ROBO2: variants seen among roughly 807,000 people sequenced by gnomAD.
The protein encoded by ROBO2 is roundabout guidance receptor 2.
In ROBO2, 53 loss-of-function variants were observed where a neutral mutation model predicts 160.8. That is an observed-to-expected ratio of 0.33 (90% CI 0.26 to 0.41). The LOEUF is 0.41. Ranked by LOEUF, ROBO2 falls within the 10% of genes least tolerant of loss-of-function variation. The pLI, the probability that ROBO2 is intolerant of heterozygous loss-of-function variation, is 1.00. For missense variants in ROBO2, 1,577 were observed against 1,722.4 expected (o/e 0.92, Z 1.49); for synonymous variants, 664 against 611.7 (o/e 1.09, Z -1.26).
At chr3:77,488,716 A>C (rs2085692845) in intron 4 of ROBO2, among the ~76,000 whole-genome samples, 1 of 152,072 alleles carries the variant, frequency 6.6e-6, no homozygotes, top group South Asian at 2.1e-4. Context: ...CTTCCTTATA[A>C]TTTTTAAAAT....
chr3:76,754,921 A>G (rs1418597929), intron 2 of ROBO2, among the ~76,000 whole-genome samples: 2 of 151,946 alleles, frequency 1.3e-5, no homozygotes, highest in South Asian at 2.1e-4. Context: ...TGTGAATTCT[A>G]TACAACTAGA....
intron 2 of ROBO2, among the ~76,000 whole-genome samples, chr3:76,051,472 A>G (rs1029180055): frequency 2.6e-5 from 4 of 152,176 alleles, no homozygotes; most frequent in African/African-American, 4.8e-5. Context: ...AAGTATATTA[A>G]TCATGGTTTC....
At chr3:77,372,433 A>G (rs1159213930) in intron 2 of ROBO2, among the ~76,000 whole-genome samples, 1 of 152,104 alleles carries the variant, frequency 6.6e-6, no homozygotes, top group Non-Finnish European at 1.5e-5. Context: ...TGCCATTTAT[A>G]GTTTGTAGGA....
At chr3:77,478,840 A>G (rs181567656) in intron 3 of ROBO2, among the ~76,000 whole-genome samples, 1 of 152,298 alleles carries the variant, frequency 6.6e-6, no homozygotes, top group African/African-American at 2.4e-5. Flanking sequence ...ATGACAATGT[A>G]TATTCATGCG....
intron 2 of ROBO2, among the ~76,000 whole-genome samples, chr3:76,948,871 ATT>A (rs1559749382): frequency 2.1e-3 from 100 of 46,734 alleles, no homozygotes; most frequent in Middle Eastern, 0.013. Context: ...CACCCGGCTA[ATT>A]TTATATATAT....
chr3:76,010,118 C>G (rs540695279), intron 2 of ROBO2, among the ~76,000 whole-genome samples: 1 of 152,164 alleles, frequency 6.6e-6, no homozygotes, highest in African/African-American at 2.4e-5. Flanking sequence ...GTCTTTAAAA[C>G]TTAATAAAAA....
At chr3:77,076,762 T>G (rs887562330) in intron 1 of ROBO2, among the ~76,000 whole-genome samples, 3 of 152,202 alleles carry the variant, frequency 2.0e-5, no homozygotes, top group African/African-American at 7.2e-5. Context: ...TTTGCCCTAA[T>G]TAAAGCTATA....
intron 2 of ROBO2, among the ~76,000 whole-genome samples, chr3:76,283,660 G>A (rs891006804): frequency 1.3e-5 from 2 of 152,068 alleles, no homozygotes; most frequent in Non-Finnish European, 2.9e-5. Context: ...TTATGACAGA[G>A]TTTCTGAAGG....
At chr3:76,295,255 T>C (rs1157383633) in intron 2 of ROBO2, among the ~76,000 whole-genome samples, 1 of 152,168 alleles carries the variant, frequency 6.6e-6, no homozygotes, top group Admixed American at 6.5e-5. Flanking sequence ...GGGTGGATTC[T>C]TTTTGTCCTC....
chr3:77,120,614 C>G (rs1456528596), intron 2 of ROBO2, among the ~76,000 whole-genome samples: 1 of 152,132 alleles, frequency 6.6e-6, no homozygotes, highest in Non-Finnish European at 1.5e-5. Flanking sequence ...AGATAAAATT[C>G]ATTGGCATAG....
intron 2 of ROBO2, among the ~76,000 whole-genome samples, chr3:76,336,551 G>C (rs1274578260): frequency 2.6e-5 from 4 of 152,164 alleles, no homozygotes; most frequent in Non-Finnish European, 5.9e-5. Context: ...GAATACTGCA[G>C]TGGCCTAATT....
intron 2 of ROBO2, among the ~76,000 whole-genome samples, chr3:77,308,947 T>A (rs2063318747): frequency 6.6e-6 from 1 of 152,156 alleles, no homozygotes; most frequent in South Asian, 2.1e-4. Context: ...AAACTTTTAG[T>A]CCAATATTTT....
chr3:76,283,749 A>G (rs1708367001), intron 2 of ROBO2, among the ~76,000 whole-genome samples: 1 of 151,972 alleles, frequency 6.6e-6, no homozygotes, highest in South Asian at 2.1e-4. Context: ...TATCCCTGAA[A>G]CAGTTTTTTA....
intron 2 of ROBO2, among the ~76,000 whole-genome samples, chr3:76,670,031 TAGTA>T (rs1213794133): frequency 2.6e-5 from 4 of 152,190 alleles, no homozygotes; most frequent in African/African-American, 7.2e-5. Flanking sequence ...AAGCTGAATA[TAGTA>T]AGTGTCTTAT....
At chr3:77,078,266 A>G (rs906046211) in intron 1 of ROBO2, among the ~76,000 whole-genome samples, 1 of 152,208 alleles carries the variant, frequency 6.6e-6, no homozygotes, top group Non-Finnish European at 1.5e-5. Flanking sequence ...GAAAACTTAC[A>G]ATGTAAACAA....
chr3:76,485,837 C>A (rs2107429235), intron 2 of ROBO2, among the ~76,000 whole-genome samples: 1 of 152,194 alleles, frequency 6.6e-6, no homozygotes, highest in Non-Finnish European at 1.5e-5. Context: ...CTTAAAATAA[C>A]AACAATTTGT....
Position 76,589,187 on chromosome 3 carries a change from A to G in ROBO2, c.110-508827A>G, listed in dbSNP as rs1049343909. ...TATCTGTGGTAATCTTTCACAATAT[A>G]TATGGATATCAAAACATCGCTCTGT... On this transcript the variant is annotated intron_variant, in intron 2 of 26. Coordinates refer to the ROBO2 transcript ENST00000487694. Among the ~76,000 whole-genome samples, 4 of 152,252 alleles carry G rather than the reference A, an allele frequency of 2.6e-5. No homozygotes were observed. The South Asian group carries it at 6.2e-4, about 24-fold the overall frequency.
chr3:76,722,251 G>C (rs2093477042), intron 2 of ROBO2, among the ~76,000 whole-genome samples: 1 of 152,050 alleles, frequency 6.6e-6, no homozygotes, highest in Non-Finnish European at 1.5e-5. Flanking sequence ...CTCCCAAGTA[G>C]CCGGGATTAC....
At chr3:77,370,452 C>T (rs1480614267) in intron 2 of ROBO2, among the ~76,000 whole-genome samples, 1 of 152,144 alleles carries the variant, frequency 6.6e-6, no homozygotes, top group Non-Finnish European at 1.5e-5. Flanking sequence ...TTCTTAGTTG[C>T]CACTCTCTCT....
Sources: gnomAD v4.1 joint callset for allele counts (sites outside exome capture counted in the v4.1 genomes callset) on GRCh38, gnomAD v4.1.1 for gene constraint, MANE v1.5 for transcripts, NCBI Gene and HGNC (gene_info 2026-07-23, HGNC 2026-07-21) for gene names.